Variants in CD6 observed in about 807,000 individuals in gnomAD.
The protein encoded by CD6 is CD6 molecule.
Under a neutral mutation model 75.3 loss-of-function variants are expected in CD6, and 53 were observed. That is an observed-to-expected ratio of 0.70 (90% confidence interval 0.56 to 0.88). The LOEUF (loss-of-function observed/expected upper bound fraction) is 0.88, where lower values mean the gene tolerates loss of function less well. Among genes scored for constraint, CD6 ranks in the 40% least tolerant of loss-of-function variants. CD6 has a pLI of 0.00. For missense variants in CD6, 770 were observed against 897.1 expected, an observed-to-expected ratio of 0.86 and a Z score of 1.81; for synonymous variants, 359 against 381.5, an observed-to-expected ratio of 0.94 and a Z score of 0.69.
rs1858914246 is a variant in CD6, at chr11:61,007,432, G to A, written c.119-128G>A. 1 of 703,022 alleles carries A rather than the reference G, an allele frequency of 1.4e-6. No homozygotes were observed. The highest frequency in any genetic ancestry group is 2.1e-6 in the Non-Finnish European group (1 of 472,544). 43.5% of individuals were successfully genotyped at this position (703,022 alleles called of 1,614,324 possible). A position where few individuals can be genotyped will look rare whatever the true frequency, so the allele number is the denominator to read the frequency against. On this transcript the variant is annotated intron_variant, in intron 2 of 12. Transcript: ENST00000313421. This position sits in a 1 kb window ranked among gnomAD's most constrained non-coding sequence, Gnocchi z 4.2. ...TGAGCCAGCCCGGCTCCATTTTGCA[G>A]ACTGGAAAGCTGAGACCCCTAGCCA...
chr11:61,009,464 C>CT, intron 4 of CD6, 108 bp from the exon 5 acceptor site: 1 of 1,017,454 alleles, frequency 9.8e-7, no homozygotes, highest in Non-Finnish European at 1.4e-6. Flanking sequence ...GACACAAGAT[C>CT]TGGAGACCAA....
intron 9 of CD6, among the ~76,000 whole-genome samples, chr11:61,016,533 G>T (rs1050304356): frequency 6.6e-6 from 1 of 152,228 alleles, no homozygotes; most frequent in African/African-American, 2.4e-5. Flanking sequence ...AGGGGCCCAG[G>T]CCCCTTCTTT....
intron 1 of CD6, among the ~76,000 whole-genome samples, chr11:60,977,409 C>A (rs1272487911): frequency 6.6e-6 from 1 of 152,100 alleles, no homozygotes; most frequent in Non-Finnish European, 1.5e-5. Context: ...CCCTGAGCAG[C>A]CCCCTGGTAG....
At chr11:60,983,816 G>A (rs534790499) in intron 1 of CD6, among the ~76,000 whole-genome samples, 14 of 152,190 alleles carry the variant, frequency 9.2e-5, no homozygotes, top group African/African-American at 2.4e-4. Flanking sequence ...TTTAATTCTC[G>A]TCTCTCTATT....
intron 9 of CD6, chr11:61,017,267 T>TAGGGCAC: frequency 1.7e-6 from 1 of 575,394 alleles, no homozygotes; most frequent in Admixed American, 3.0e-5. Context: ...GGCACTAGAG[T>TAGGGCAC]TTCTGTCCCC....
rs1859003945 is a variant in CD6, at chr11:61,008,810, G to A, written c.746G>A (p.Cys249Tyr). The change falls in exon 4 of 13, where the codon TGC becomes TAC. Residue 249 changes from cysteine (C) to tyrosine (Y), a missense_variant. Coordinates refer to ENST00000313421, the MANE Select transcript of CD6 (RefSeq NM_006725.5). ...DCPGLPGQHYCGHKEDAGAVC... is the reference protein window; with the variant it reads ...DCPGLPGQHYYGHKEDAGAVC... ...CCGGGGCTGCCAGGACAGCACTACT[G>A]CGGCCACAAAGAGGACGCGGGCGCG... The A allele has an allele frequency of 1.9e-6, 3 of 1,568,910 alleles. No individual in the cohort carries two copies. Among genetic ancestry groups the A allele is most frequent in the Admixed American group, 1.8e-5 (1 of 54,772 alleles).
chr11:61,014,192 G>C (rs1255140787), intron 8 of CD6, among the ~76,000 whole-genome samples, 178 bp downstream of exon 8: 1 of 152,172 alleles, frequency 6.6e-6, no homozygotes, highest in African/African-American at 2.4e-5. Context: ...GACATTGAAG[G>C]GCAGATGACC....
intron 1 of CD6, among the ~76,000 whole-genome samples, chr11:60,973,778 C>T (rs1358303211): frequency 1.3e-5 from 2 of 152,234 alleles, no homozygotes; most frequent in South Asian, 2.1e-4. Flanking sequence ...CCTCACTCTG[C>T]GATTTCAGAG....
At chr11:60,977,951 T>G (rs757532864) in intron 1 of CD6, among the ~76,000 whole-genome samples, 29 of 152,210 alleles carry the variant, frequency 1.9e-4, no homozygotes, top group Admixed American at 6.5e-5. Flanking sequence ...TGTTACTAAA[T>G]TCTAGCCAGA....
Position 61,013,453 on chromosome 11 carries a change from A to G in CD6, c.1181A>G (p.Lys394Arg). Residue 394 changes from lysine (K) to arginine (R), a missense_variant, in exon 7 of 13, where the codon AAG becomes AGG. Coordinates refer to ENST00000313421, the MANE Select transcript of CD6 (RefSeq NM_006725.5). Reference protein sequence around the residue: ...ESSVTVKIENKESRELMLLIP... With the variant: ...ESSVTVKIENRESRELMLLIP... ...TCTGTGACAGTGAAAATAGAGAACA[A>G]GGAATCTCGGGAGCTAATGCTCCTC... 1 of 1,614,166 alleles carries G rather than the reference A, an allele frequency of 6.2e-7. No individual in the cohort carries two copies. Among genetic ancestry groups the G allele is most frequent in the South Asian group, 1.1e-5 (1 of 91,068 alleles).
chr11:61,012,379 G>A (rs1000342752), intron 6 of CD6, among the ~76,000 whole-genome samples: 8 of 152,254 alleles, frequency 5.3e-5, no homozygotes, highest in Admixed American at 4.6e-4. Flanking sequence ...CCACATTCAC[G>A]GGTCTCCCCA....
chr11:60,972,336 G>A (rs1221690262), intron 1 of CD6, among the ~76,000 whole-genome samples: 11 of 152,346 alleles, frequency 7.2e-5, no homozygotes, highest in East Asian at 3.9e-4. Flanking sequence ...TCCAGCAGGC[G>A]TAGGCCAATC....
At chr11:61,000,499 C>T (rs1244517877) in intron 1 of CD6, among the ~76,000 whole-genome samples, 1 of 152,208 alleles carries the variant, frequency 6.6e-6, no homozygotes, top group Non-Finnish European at 1.5e-5. Flanking sequence ...GCACCTCTGA[C>T]AGTGCCGGAG....
chr11:60,972,191 T>G lies in CD6; in HGVS notation c.49+277T>G, dbSNP rs181139795. ...GGTCCCTAGGGTGTGAGGAGGGAGG[T>G]GCCTCTCCCATCCTTAAGCTCAGGA... On this transcript the variant is annotated intron_variant, in intron 1 of 12. Coordinates refer to ENST00000313421, the MANE Select transcript of CD6 (RefSeq NM_006725.5). Among the ~76,000 whole-genome samples the G allele has an allele frequency of 2.9e-3, 438 of 151,988 alleles. 4 individuals are homozygous for G. The highest frequency in any genetic ancestry group is 3.7e-3 in the South Asian group (18 of 4,822).
chr11:61,017,848 C>A lies in CD6; in HGVS notation c.1672C>A (p.Pro558Thr), dbSNP rs770860378. ...GCCATCCCTGGGCCCTCAGTATCAC[C>A]CGAGGAGCAACAGTGAGTCGAGCAC... ...DPPSLGPQYH[P>T]RSNSESSTSS... Residue 558 changes from proline to threonine, a missense_variant, in exon 11 of 13, where the codon CCG (proline) becomes ACG (threonine). Transcript: ENST00000313421. The A allele has an allele frequency of 2.5e-6, 4 of 1,614,158 alleles. No individual in the cohort carries two copies. Among genetic ancestry groups the A allele is most frequent in the Admixed American group, 1.7e-5 (1 of 60,012 alleles).
chr11:61,006,742 C>A, intron 2 of CD6, 100 bp downstream of exon 2: 1 of 956,324 alleles, frequency 1.0e-6, no homozygotes, highest in Non-Finnish European at 1.6e-6. Flanking sequence ...ACCAGGGAGG[C>A]TCCCTGACTT....
At chr11:60,990,192 C>T (rs1858004922) in intron 1 of CD6, among the ~76,000 whole-genome samples, 1 of 152,164 alleles carries the variant, frequency 6.6e-6, no homozygotes. Flanking sequence ...ATATTGCAAA[C>T]ATACAGAAAT....
chr11:61,006,976 C>T (rs574052725), intron 2 of CD6, among the ~76,000 whole-genome samples: 1 of 152,166 alleles, frequency 6.6e-6, no homozygotes, highest in Non-Finnish European at 1.5e-5. Context: ...CTACTGTATG[C>T]AAAGATGCAT....
chr11:61,006,146 C>T (rs1217750864), intron 1 of CD6, among the ~76,000 whole-genome samples: 1 of 152,204 alleles, frequency 6.6e-6, no homozygotes, highest in African/African-American at 2.4e-5. Context: ...ATCACTCCCA[C>T]TTTCGAGCTT....
Sources: gnomAD v4.1 joint callset for allele counts (sites outside exome capture counted in the v4.1 genomes callset) on GRCh38, gnomAD v4.1.1 for gene constraint, Gnocchi (gnomAD v3.1) non-coding constraint, MANE v1.5 for transcripts, NCBI Gene and HGNC (gene_info 2026-07-23, HGNC 2026-07-21) for gene names.